FBXL20: variants seen among roughly 807,000 people sequenced by gnomAD.
The protein encoded by FBXL20 is F-box and leucine rich repeat protein 20.
FBXL20 carries 11 observed loss-of-function variants against 64.0 expected under a neutral mutation model. The observed-to-expected ratio is 0.17, with a 90% CI of 0.11 to 0.28. FBXL20 has a LOEUF of 0.28. Ranked by LOEUF, FBXL20 falls within the 10% of genes least tolerant of loss-of-function variation. The pLI, the probability that FBXL20 is intolerant of heterozygous loss-of-function variation, is 1.00. For synonymous variants in FBXL20, 184 were observed against 189.0 expected (o/e 0.97, Z 0.22); for missense variants, 303 against 526.2 (o/e 0.58, Z 4.15).
At chr17:39,376,004 G>A (rs561422843) in intron 1 of FBXL20, among the ~76,000 whole-genome samples, 2 of 152,098 alleles carry the variant, frequency 1.3e-5, no homozygotes, top group Admixed American at 6.6e-5. Context: ...CTGTAATCCT[G>A]GCTACTTGGG....
chr17:39,364,352 C>T (rs1469359899), intron 1 of FBXL20, among the ~76,000 whole-genome samples: 1 of 152,184 alleles, frequency 6.6e-6, no homozygotes, highest in Non-Finnish European at 1.5e-5. Flanking sequence ...GTGGCTCACG[C>T]CTGTAATCCC....
At chr17:39,361,314 G>T (rs1330326061) in intron 1 of FBXL20, among the ~76,000 whole-genome samples, 1 of 152,016 alleles carries the variant, frequency 6.6e-6, no homozygotes, top group African/African-American at 2.4e-5. Context: ...AAGTCTATGG[G>T]AGGCCATTTC....
Position 39,297,100 on chromosome 17 carries a change from T to C in FBXL20, c.398+27A>G, listed in dbSNP as rs376083464. ...CAGCCAGACATAAGGGGTTATGACT[T>C]ATCCTCCAAAAACATAAAATACTTA... On this transcript the variant is annotated intron_variant, in intron 6 of 14. Transcript: ENST00000264658. 6 of 1,564,328 alleles carry C rather than the reference T, an allele frequency of 3.8e-6. No homozygotes were observed. The African/African-American group carries it at 5.4e-5, about 14-fold the overall frequency.
chr17:39,361,896 A>C lies in FBXL20; in HGVS notation c.43-18655T>G, dbSNP rs149604431. On this transcript the variant is annotated intron_variant, in intron 1 of 14. Coordinates refer to ENST00000264658, the MANE Select transcript of FBXL20 (RefSeq NM_032875.3). Reference sequence around the variant, plus strand: ...GAGGACTGCCCGAGCCCCGGAGTTCAAGACCAGCCTGGGCAAGATAGCAAG... The same window carrying C: ...GAGGACTGCCCGAGCCCCGGAGTTCCAGACCAGCCTGGGCAAGATAGCAAG... Among the ~76,000 whole-genome samples the C allele has an allele frequency of 5.6e-3, 848 of 151,806 alleles. 3 individuals carry two copies. The highest frequency in any genetic ancestry group is 8.7e-3 in the Non-Finnish European group (591 of 67,898).
chr17:39,333,454 T>G (rs1034424918), intron 2 of FBXL20, among the ~76,000 whole-genome samples: 2 of 152,210 alleles, frequency 1.3e-5, no homozygotes, highest in African/African-American at 2.4e-5. Context: ...GTGCTCAATG[T>G]TGCCCAGGCT....
intron 1 of FBXL20, among the ~76,000 whole-genome samples, chr17:39,373,679 G>C (rs954090976): frequency 6.6e-6 from 1 of 152,092 alleles, no homozygotes; most frequent in Non-Finnish European, 1.5e-5. Flanking sequence ...TTATAGTTCT[G>C]TTACAAAGCT....
intron 2 of FBXL20, among the ~76,000 whole-genome samples, chr17:39,314,795 C>CT (rs59955109): frequency 0.011 from 1,435 of 125,946 alleles, 30 homozygotes; most frequent in South Asian, 0.04. Context: ...ATATCCTTTT[C>CT]TTTTTTTTTT....
chr17:39,342,092 A>G, intron 2 of FBXL20, among the ~76,000 whole-genome samples: 1 of 152,154 alleles, frequency 6.6e-6, no homozygotes, highest in Non-Finnish European at 1.5e-5. Context: ...ACCAGTTTAT[A>G]TATTTATGTT....
At chr17:39,375,215 T>C (rs545775464) in intron 1 of FBXL20, among the ~76,000 whole-genome samples, 4 of 152,194 alleles carry the variant, frequency 2.6e-5, no homozygotes, top group African/African-American at 9.6e-5. Context: ...CAAGTAGTTG[T>C]TGCGGCCATC....
chr17:39,337,185 G>C (rs1177087183), intron 2 of FBXL20, among the ~76,000 whole-genome samples: 3 of 152,170 alleles, frequency 2.0e-5, no homozygotes, highest in Non-Finnish European at 4.4e-5. Context: ...ACGGGGTTTC[G>C]CTGTGTTGGC....
chr17:39,276,221 G>GAAAAAAAAAAAA lies in FBXL20; in HGVS notation c.697-1133_697-1122dup, dbSNP rs1215336803. 5.9e-4 allele frequency among the ~76,000 whole-genome samples: 36 copies of GAAAAAAAAAAAA among 60,512 alleles called. 1 individual carries two copies. The highest frequency in any genetic ancestry group is 7.0e-4 in the African/African-American group (11 of 15,736). 39.7% of individuals were successfully genotyped at this position (60,512 alleles called of 152,430 possible). A position where few individuals can be genotyped will look rare whatever the true frequency, so the allele number is the denominator to read the frequency against. On this transcript the variant is annotated intron_variant, in intron 9 of 14. Coordinates refer to ENST00000264658, the MANE Select transcript of FBXL20 (RefSeq NM_032875.3). ...TCCACCAGGCAATAGAGCAAGAAAA[G>GAAAAAAAAAAAA]AAAAAAAAAAAAAAAAAAAAAAGGG...
Position 39,256,278 on chromosome 17 carries a change from G to A in FBXL20, c.*5182C>T, listed in dbSNP as rs1288856067. On this transcript the variant is annotated 3_prime_UTR_variant, in exon 15 of 15. Coordinates refer to ENST00000264658, the MANE Select transcript of FBXL20 (RefSeq NM_032875.3). ...AGAGGTTGCAGTGAACTGAGATTGTGCCATGGCACTCCAACCTGGGTGACA... is the reference window on the plus strand; with the variant it reads ...AGAGGTTGCAGTGAACTGAGATTGTACCATGGCACTCCAACCTGGGTGACA... The A allele has an allele frequency of 6.9e-6, 1 of 144,450 alleles. No individual in the cohort carries two copies. Among genetic ancestry groups the A allele is most frequent in the Non-Finnish European group, 1.5e-5 (1 of 67,284 alleles). 8.9% of individuals were successfully genotyped at this position (144,450 alleles called of 1,614,324 possible). A position where few individuals can be genotyped will look rare whatever the true frequency, so the allele number is the denominator to read the frequency against.
chr17:39,289,445 C>T (rs1163765840), intron 6 of FBXL20, among the ~76,000 whole-genome samples: 1 of 149,510 alleles, frequency 6.7e-6, no homozygotes, highest in African/African-American at 2.5e-5. Flanking sequence ...GCTGCTGGAG[C>T]CCAGAGTTTG....
intron 3 of FBXL20, among the ~76,000 whole-genome samples, chr17:39,302,670 G>A (rs1360238814): frequency 6.6e-6 from 1 of 152,034 alleles, no homozygotes; most frequent in Non-Finnish European, 1.5e-5. Flanking sequence ...ACTGCACGCA[G>A]CCCTAATTTT....
intron 1 of FBXL20, among the ~76,000 whole-genome samples, chr17:39,367,269 A>G (rs1405248482): frequency 6.6e-6 from 1 of 150,950 alleles, no homozygotes; most frequent in Non-Finnish European, 1.5e-5. Context: ...CTCTCATTGT[A>G]GAATTCCTAT....
intron 1 of FBXL20, among the ~76,000 whole-genome samples, chr17:39,398,186 G>A (rs1197931331): frequency 1.3e-5 from 2 of 152,030 alleles, no homozygotes; most frequent in East Asian, 3.9e-4. Flanking sequence ...GGAGGCTGAG[G>A]CAGTAGAATC....
intron 2 of FBXL20, among the ~76,000 whole-genome samples, chr17:39,325,890 T>C (rs2047403994): frequency 6.6e-6 from 1 of 152,182 alleles, no homozygotes; most frequent in Non-Finnish European, 1.5e-5. Flanking sequence ...TTTGAATGTT[T>C]GTCCCCTTCA....
intron 2 of FBXL20, among the ~76,000 whole-genome samples, chr17:39,336,777 T>C (rs1487524257): frequency 6.6e-6 from 1 of 151,202 alleles, no homozygotes; most frequent in African/African-American, 2.4e-5. Context: ...TGAGCCGAGA[T>C]TGCACCATTG....
intron 2 of FBXL20, among the ~76,000 whole-genome samples, chr17:39,308,367 C>T (rs748129080): frequency 1.8e-4 from 27 of 151,754 alleles, no homozygotes; most frequent in Non-Finnish European, 2.9e-4. Context: ...TTGTGGTGCA[C>T]GCCTGTAGTC....
Sources: gnomAD v4.1 joint callset for allele counts (sites outside exome capture counted in the v4.1 genomes callset) on GRCh38, gnomAD v4.1.1 for gene constraint, MANE v1.5 for transcripts, NCBI Gene and HGNC (gene_info 2026-07-23, HGNC 2026-07-21) for gene names.